TTYH1: variants seen among roughly 807,000 people sequenced by gnomAD.
The protein encoded by TTYH1 is tweety family member 1, also known as protein tweety homolog 1.
In TTYH1, 33 loss-of-function variants were observed where a neutral mutation model predicts 61.2. That is an observed-to-expected ratio of 0.54 (90% CI 0.41 to 0.72). The LOEUF (loss-of-function observed/expected upper bound fraction) is 0.72. Among genes scored for constraint, TTYH1 ranks in the 30% least tolerant of loss-of-function variants. TTYH1 has a pLI of 0.00. For synonymous variants in TTYH1, 308 were observed against 266.4 expected (o/e 1.16, Z -1.52); for missense variants, 538 against 575.8 (o/e 0.93, Z 0.67).
At chr19:54,424,817 A>G (rs1295003303) in intron 4 of TTYH1, among the ~76,000 whole-genome samples, 1 of 152,194 alleles carries the variant, frequency 6.6e-6, no homozygotes, top group Non-Finnish European at 1.5e-5. Context: ...GTGAAGCCCA[A>G]GCTTGTGGGG....
intron 11 of TTYH1, 64 bp from the exon 12 acceptor site, chr19:54,435,764 G>A: frequency 6.2e-7 from 1 of 1,612,898 alleles, no homozygotes; most frequent in South Asian, 1.1e-5. Flanking sequence ...AGTGGGGGTG[G>A]GGGGTGCAGC....
Position 54,420,060 on chromosome 19 carries a change from C to T in TTYH1, c.305+754C>T, listed in dbSNP as rs2083176247. Among the ~76,000 whole-genome samples, 1 of 152,206 alleles carries T rather than the reference C, an allele frequency of 6.6e-6. No homozygotes were observed. The highest frequency in any genetic ancestry group is 1.5e-5 in the Non-Finnish European group (1 of 68,000). On this transcript the variant is annotated intron_variant, in intron 2 of 13. Transcript: ENST00000376530. This position sits in a 1 kb window ranked among gnomAD's most constrained non-coding sequence, Gnocchi z 4.8. ...TTTCAAGGCCACGTGGCTTAAGAGG[C>T]AGCACAGAGATTCAGACCCAGGTTA...
chr19:54,416,694 G>T lies in TTYH1; in HGVS notation c.126+1016G>T, dbSNP rs1293134270. The stretch of plus-strand genomic sequence containing the variant: ...TGAGTGCTGTGTTCTGAGCTATTTG[G>T]GTCACGGCTGGCACAGCCCTGAGCA... On this transcript the variant is annotated intron_variant, in intron 1 of 13. Coordinates refer to ENST00000376530, the MANE Select transcript of TTYH1 (RefSeq NM_020659.4). This position sits in a 1 kb window ranked among gnomAD's most constrained non-coding sequence, Gnocchi z 7.0. 2 of 1,240,550 alleles carry T rather than the reference G, an allele frequency of 1.6e-6. No individual in the cohort carries two copies. The highest frequency in any genetic ancestry group is 2.1e-6 in the Non-Finnish European group (2 of 949,608). 76.8% of individuals were successfully genotyped at this position (1,240,550 alleles called of 1,614,324 possible).
chr19:54,417,291 ACACACTCACATG>A lies in TTYH1; in HGVS notation c.126+1631_126+1642del, dbSNP rs565592281. Among the ~76,000 whole-genome samples the A allele has an allele frequency of 5.3e-3, 805 of 150,894 alleles. 13 individuals are homozygous for A. Among genetic ancestry groups the A allele is most frequent in the South Asian group, 0.025 (117 of 4,742 alleles). ...TCAGACACACCCACTTACTCCCATT[ACACACTCACATG>A]CACACTCACATGCACACACTCAGAC... On this transcript the variant is annotated intron_variant, in intron 1 of 13. Coordinates refer to ENST00000376530, the MANE Select transcript of TTYH1 (RefSeq NM_020659.4).
chr19:54,425,747 C>T (rs369136155), intron 4 of TTYH1, among the ~76,000 whole-genome samples: 4 of 151,412 alleles, frequency 2.6e-5, no homozygotes, highest in African/African-American at 7.3e-5. Flanking sequence ...CTAAGTCTCA[C>T]TCTTGTCGCC....
Position 54,429,861 on chromosome 19 carries a change from C to T in TTYH1, c.808-21C>T. Reference sequence around the variant, plus strand: ...TCGGGGCAGTTTTGGGTTTGAGCCCCTTTTCTGCTGCCTCACGCAGGGCCT... The same window carrying T: ...TCGGGGCAGTTTTGGGTTTGAGCCCTTTTTCTGCTGCCTCACGCAGGGCCT... On this transcript the variant is annotated intron_variant, in intron 6 of 13. Coordinates refer to ENST00000376530, the MANE Select transcript of TTYH1 (RefSeq NM_020659.4). The surrounding 1 kb of genome is among the most constrained non-coding windows in gnomAD (Gnocchi z 5.1). The T allele has an allele frequency of 1.2e-6, 2 of 1,612,902 alleles. No individual in the cohort carries two copies. The highest frequency in any genetic ancestry group is 1.3e-5 in the African/African-American group (1 of 74,978).
chr19:54,429,877 C>A lies in TTYH1; in HGVS notation c.808-5C>A. On this transcript the variant is annotated splice_polypyrimidine_tract_variant and splice_region_variant and intron_variant, in intron 6 of 13. Coordinates refer to ENST00000376530, the MANE Select transcript of TTYH1 (RefSeq NM_020659.4). The surrounding 1 kb of genome is among the most constrained non-coding windows in gnomAD (Gnocchi z 5.1). Reference sequence around the variant, plus strand: ...TTTGAGCCCCTTTTCTGCTGCCTCACGCAGGGCCTCAGTGACTTCTGCTCC... The same window carrying A: ...TTTGAGCCCCTTTTCTGCTGCCTCAAGCAGGGCCTCAGTGACTTCTGCTCC... The A allele has an allele frequency of 1.2e-6, 2 of 1,613,698 alleles. No individual in the cohort carries two copies. The highest frequency in any genetic ancestry group is 1.7e-6 in the Non-Finnish European group (2 of 1,179,756).
Position 54,416,471 on chromosome 19 carries a change from AT to A in TTYH1, c.126+795del, listed in dbSNP as rs956148919. 34 of 285,522 alleles carry A rather than the reference AT, an allele frequency of 1.2e-4. No homozygotes were observed. The highest frequency in any genetic ancestry group is 2.2e-4 in the Non-Finnish European group (32 of 145,244). The allele number at this position is 285,522 out of a possible 1,614,324, so 17.7% of individuals were successfully genotyped here. Reference sequence around the variant, plus strand: ...TTTAATTCAAGTCCTTGACTTCGAGATTAATGAGGAGAAAGGCTTGGCTGAG... The same window carrying A: ...TTTAATTCAAGTCCTTGACTTCGAGATAATGAGGAGAAAGGCTTGGCTGAG... On this transcript the variant is annotated intron_variant, in intron 1 of 13. Coordinates refer to ENST00000376530, the MANE Select transcript of TTYH1 (RefSeq NM_020659.4). This position sits in a 1 kb window ranked among gnomAD's most constrained non-coding sequence, Gnocchi z 7.0.
Position 54,416,000 on chromosome 19 carries a change from G to T in TTYH1, c.126+322G>T. 1 of 1,335,028 alleles carries T rather than the reference G, an allele frequency of 7.5e-7. No individual in the cohort carries two copies. The highest frequency in any genetic ancestry group is 9.9e-7 in the Non-Finnish European group (1 of 1,006,846). The allele number at this position is 1,335,028 out of a possible 1,614,324, so 82.7% of individuals were successfully genotyped here. On this transcript the variant is annotated intron_variant, in intron 1 of 13. Transcript: ENST00000376530. The surrounding 1 kb of genome is among the most constrained non-coding windows in gnomAD (Gnocchi z 5.2). ...CCTGCCTGGGAAGCCGGCCTCCAGG[G>T]TCATCGGGAGGGTAGGTCTACTCTT...
chr19:54,419,208 C>G lies in TTYH1; in HGVS notation c.207C>G (p.Phe69Leu). ...TCATCGCTGTCTACCTCATCCGCTT[C>G]TGCTGCTGCCGGCCCCCCGAGCCCC... ...LIFIAVYLIRFCCCRPPEPPG... is the reference protein window; with the variant it reads ...LIFIAVYLIRLCCCRPPEPPG... The change falls in exon 2 of 14, where the codon TTC (phenylalanine) becomes TTG (leucine). Residue 69 changes from phenylalanine to leucine, a missense_variant. This residue lies in a region of TTYH1 where 157 missense variants were observed against 157.0 expected (regional missense o/e 1.00). Coordinates refer to ENST00000376530, the MANE Select transcript of TTYH1 (RefSeq NM_020659.4). The surrounding 1 kb of genome is among the most constrained non-coding windows in gnomAD (Gnocchi z 6.1). 1 of 1,611,838 alleles carries G rather than the reference C, an allele frequency of 6.2e-7. No individual in the cohort carries two copies. Among genetic ancestry groups the G allele is most frequent in the Non-Finnish European group, 8.5e-7 (1 of 1,179,988 alleles).
Position 54,434,643 on chromosome 19 carries a change from C to T in TTYH1, c.1126-899C>T, listed in dbSNP as rs2083503169. On this transcript the variant is annotated intron_variant, in intron 10 of 13. Coordinates refer to ENST00000376530, the MANE Select transcript of TTYH1 (RefSeq NM_020659.4). The surrounding 1 kb of genome is among the most constrained non-coding windows in gnomAD (Gnocchi z 4.3). Reference sequence around the variant, plus strand: ...TGTCAACCCCCACTGAATACATACGCTGTGCAGGTGCTTAGCACTCGGTGA... The same window carrying T: ...TGTCAACCCCCACTGAATACATACGTTGTGCAGGTGCTTAGCACTCGGTGA... The T allele has an allele frequency of 6.6e-6, 1 of 152,314 alleles. No individual in the cohort carries two copies. 9.4% of individuals were successfully genotyped at this position (152,314 alleles called of 1,614,324 possible). A position where few individuals can be genotyped will look rare whatever the true frequency, so the allele number is the denominator to read the frequency against.
In TTYH1 at chr19:54,429,985, C is replaced by G. The variant is rs1227524003; in HGVS notation, c.883+28C>G. On this transcript the variant is annotated intron_variant, in intron 7 of 13. Transcript: ENST00000376530. The surrounding 1 kb of genome is among the most constrained non-coding windows in gnomAD (Gnocchi z 5.1). ...GATTTCCAAGGGCCCGGTGGGTCCGCCGGGTTGGGCAGTGCAGGCCCTGGC... is the reference window on the plus strand; with the variant it reads ...GATTTCCAAGGGCCCGGTGGGTCCGGCGGGTTGGGCAGTGCAGGCCCTGGC... The G allele has an allele frequency of 1.2e-6, 2 of 1,604,428 alleles. No homozygotes were observed.
In TTYH1 at chr19:54,435,757, G is replaced by A. The variant is rs116266665; in HGVS notation, c.1269-71G>A. ...AGCACCTGGGGACCACGGTGGCAGTGGGGGTGGGGGGTGCAGCCTCCTGAT... is the reference window on the plus strand; with the variant it reads ...AGCACCTGGGGACCACGGTGGCAGTAGGGGTGGGGGGTGCAGCCTCCTGAT... On this transcript the variant is annotated intron_variant, in intron 11 of 13. Coordinates refer to ENST00000376530, the MANE Select transcript of TTYH1 (RefSeq NM_020659.4). 5.6e-3 allele frequency: 8,998 copies of A among 1,611,034 alleles called. 358 individuals are homozygous for A. In the African/African-American group the frequency reaches 0.096, roughly 17 times the overall value.
At chr19:54,422,491 G>A (rs2083240056) in intron 4 of TTYH1, 81 bp downstream of exon 4, 2 of 1,296,304 alleles carry the variant, frequency 1.5e-6, no homozygotes, top group African/African-American at 1.5e-5. Context: ...ATGCCTGGAG[G>A]CAGTTTTGGT....
chr19:54,419,323 G>C lies in TTYH1; in HGVS notation c.305+17G>C. On this transcript the variant is annotated intron_variant, in intron 2 of 13. Transcript: ENST00000376530. The surrounding 1 kb of genome is among the most constrained non-coding windows in gnomAD (Gnocchi z 6.1). ...CGCCGGCTGGTAATGGGGCCCCAGG[G>C]TGGGTGGGCGGTGGGGACAGGGCTC... 1.3e-6 allele frequency: 2 copies of C among 1,587,740 alleles called. No individual in the cohort carries two copies. The highest frequency in any genetic ancestry group is 1.7e-6 in the Non-Finnish European group (2 of 1,172,922).
chr19:54,430,834 G>T lies in TTYH1; in HGVS notation c.961G>T (p.Ala321Ser), dbSNP rs745463336. 6 of 1,613,792 alleles carry T rather than the reference G, an allele frequency of 3.7e-6. No individual in the cohort carries two copies. In the East Asian group the frequency reaches 8.9e-5, roughly 24 times the overall value. ...FQQRLTLSQR[A>S]LANIHSQLLG... ...GCAGAGGCTGACTCTGTCCCAGCGA[G>T]CTCTGGCCAACATCCACTCCCAGCT... The change falls in exon 9 of 14, where the codon GCT (alanine) becomes TCT (serine). Residue 321 changes from alanine (A) to serine (S), a missense_variant. Physicochemically the swap from Ala to Ser is moderately conservative, Grantham distance 99 (BLOSUM62 1). Transcript: ENST00000376530.
At chr19:54,430,781 G>C (rs2083421849) in intron 8 of TTYH1, 32 bp from the exon 9 acceptor site, 2 of 1,607,822 alleles carry the variant, frequency 1.2e-6, no homozygotes, top group African/African-American at 1.3e-5. Flanking sequence ...GTATACTCCT[G>C]GGTCCTCCTC....
At position 54,415,888 on chromosome 19, in the gene TTYH1, C is replaced by A; in HGVS notation, c.126+210C>A. On this transcript the variant is annotated intron_variant, in intron 1 of 13. Coordinates refer to ENST00000376530, the MANE Select transcript of TTYH1 (RefSeq NM_020659.4). This position sits in a 1 kb window ranked among gnomAD's most constrained non-coding sequence, Gnocchi z 5.2. ...GCGCGCTGGGGGTCCAGACCTCGAG[C>A]TCTCTAAATAAGGGAAGGCTGGGGA... 3.8e-6 allele frequency: 3 copies of A among 790,374 alleles called. No homozygotes were observed. The highest frequency in any genetic ancestry group is 2.0e-5 in the South Asian group (1 of 49,210). 49.0% of individuals were successfully genotyped at this position (790,374 alleles called of 1,614,324 possible). A position where few individuals can be genotyped will look rare whatever the true frequency, so the allele number is the denominator to read the frequency against.
chr19:54,420,260 C>T lies in TTYH1; in HGVS notation c.305+954C>T, dbSNP rs988346132. 2.0e-5 allele frequency among the ~76,000 whole-genome samples: 3 copies of T among 152,166 alleles called. No homozygotes were observed. The highest frequency in any genetic ancestry group is 1.9e-4 in the East Asian group (1 of 5,186). On this transcript the variant is annotated intron_variant, in intron 2 of 13. Coordinates refer to ENST00000376530, the MANE Select transcript of TTYH1 (RefSeq NM_020659.4). The surrounding 1 kb of genome is among the most constrained non-coding windows in gnomAD (Gnocchi z 4.8). The stretch of plus-strand genomic sequence containing the variant: ...GTCCCAGAGGGCCAGACGCCTGCCC[C>T]GGACCCACAGCGGGCAAGGGGAGGG...
Sources: gnomAD v4.1 joint callset for allele counts (sites outside exome capture counted in the v4.1 genomes callset) on GRCh38, gnomAD v4.1.1 for gene constraint, gnomAD v4.1.1 regional missense constraint, Gnocchi (gnomAD v3.1) non-coding constraint, MANE v1.5 for transcripts, NCBI Gene and HGNC (gene_info 2026-07-23, HGNC 2026-07-21) for gene names.